MACF1: variants seen among roughly 807,000 people sequenced by gnomAD.
MACF1 encodes the protein microtubule actin crosslinking factor 1, also known as microtubule-actin cross-linking factor 1.
A neutral mutation model predicts 854.8 loss-of-function variants in MACF1; 193 were observed. The observed-to-expected ratio is 0.23, with a 90% CI of 0.20 to 0.25. MACF1 has a LOEUF of 0.25. Ranked by LOEUF, MACF1 falls within the 10% of genes least tolerant of loss-of-function variation. MACF1 has a pLI of 1.00. For synonymous variants in MACF1, 3,185 were observed against 3,226.7 expected, an observed-to-expected ratio of 0.99 and a Z score of 0.44; for missense variants, 7,722 against 8,929.1, an observed-to-expected ratio of 0.86 and a Z score of 5.45.
At chr1:39,314,569 T>TCTCACACACACACA (rs1379643806) in intron 26 of MACF1, among the ~76,000 whole-genome samples, 2 of 65,306 alleles carry the variant, frequency 3.1e-5, no homozygotes, top group African/African-American at 4.7e-5. Context: ...TCTCTCTCTC[T>TCTCACACACACACA]CACACACACA....
chr1:39,351,116 CA>C (rs1647169015), intron 43 of MACF1, 98 bp downstream of exon 43: 3 of 839,894 alleles, frequency 3.6e-6, no homozygotes, highest in Non-Finnish European at 5.5e-6. Flanking sequence ...TTATAGCATG[CA>C]CAGAATCATG....
rs1350554689 is a variant in MACF1 at position 39,335,672 on chromosome 1, A to G, written c.9084A>G (p.Glu3028=). The change falls in exon 37 of 101, where the codon GAA becomes GAG. Residue 3028 remains glutamate (E), a synonymous_variant. Transcript: ENST00000564288. ...REMTSSEKGK[E]ADTEMGFSIT... is the part of the protein sequence containing the mutation. ...TGACCTCAAGTGAAAAAGGGAAAGA[A>G]GCTGATACAGAAATGGGATTTTCTA... is the stretch of plus-strand genomic sequence containing the variant. 1.9e-6 allele frequency: 3 copies of G among 1,614,074 alleles called. No individual in the cohort carries two copies. Among genetic ancestry groups the G allele is most frequent in the South Asian group, 1.1e-5 (1 of 91,042 alleles).
chr1:39,419,011 T>G (rs1443930581), intron 58 of MACF1, among the ~76,000 whole-genome samples: 1 of 152,254 alleles, frequency 6.6e-6, no homozygotes, highest in Non-Finnish European at 1.5e-5. Flanking sequence ...TACTGCTTAG[T>G]TAATAACATG....
chr1:39,486,774 T>C lies in MACF1; in HGVS notation c.*980T>C, dbSNP rs898051492. The C allele has an allele frequency of 6.6e-6, 1 of 152,636 alleles. No homozygotes were observed. The highest frequency in any genetic ancestry group is 2.4e-5 in the African/African-American group (1 of 41,428). 9.5% of individuals were successfully genotyped at this position (152,636 alleles called of 1,614,324 possible). On this transcript the variant is annotated 3_prime_UTR_variant, in exon 101 of 101. Coordinates refer to ENST00000564288, the MANE Select transcript of MACF1 (RefSeq NM_001394062.1). ...TGTTAACCAGTCCTGTTTGCTTTCG[T>C]CTTTTTTTGTGCGTAATAAAGTCAA...
chr1:39,331,162 T>G, intron 36 of MACF1, 41 bp from the exon 37 acceptor site: 6 of 1,478,026 alleles, frequency 4.1e-6, no homozygotes, highest in Non-Finnish European at 5.3e-6. Flanking sequence ...TTTCTTTTTC[T>G]TCTCTTTTCC....
upstream of MACF1, among the ~76,000 whole-genome samples, chr1:39,201,846 T>A (rs930740888): frequency 1.3e-5 from 2 of 151,996 alleles, no homozygotes; most frequent in African/African-American, 4.8e-5. Flanking sequence ...CATTCTAGGT[T>A]CTTTGGTGTT....
In MACF1 at chr1:39,345,629, G is replaced by A. The variant is rs897799829; in HGVS notation, c.10582-1348G>A. ...TTGTCTCAAAAACAAAAATTTTAGC[G>A]AATCATAAACAAATTATATATTTTC... On this transcript the variant is annotated intron_variant, in intron 40 of 100. Coordinates refer to ENST00000564288, the MANE Select transcript of MACF1 (RefSeq NM_001394062.1). Among the ~76,000 whole-genome samples the A allele has an allele frequency of 6.6e-5, 10 of 152,062 alleles. No homozygotes were observed. The East Asian group carries it at 1.2e-3, about 18-fold the overall frequency.
chr1:39,241,888 A>C (rs1252085327), intron 2 of MACF1, among the ~76,000 whole-genome samples: 1 of 152,110 alleles, frequency 6.6e-6, no homozygotes, highest in Non-Finnish European at 1.5e-5. Flanking sequence ...TTCTCTAGGC[A>C]ATGGTTTTCT....
chr1:39,454,315 A>G (rs919922100), intron 88 of MACF1, among the ~76,000 whole-genome samples: 7 of 152,214 alleles, frequency 4.6e-5, no homozygotes, highest in Non-Finnish European at 1.0e-4. Context: ...CACAAAACCA[A>G]TTATAGGCCT....
intron 66 of MACF1, among the ~76,000 whole-genome samples, chr1:39,431,539 C>A (rs929149140): frequency 1.3e-5 from 2 of 152,154 alleles, no homozygotes; most frequent in Admixed American, 6.5e-5. Context: ...TGCTCTGAGT[C>A]CAGGTATATC....
At chr1:39,112,620 G>A (rs1642441146) in intron 2 of MACF1, among the ~76,000 whole-genome samples, 1 of 152,084 alleles carries the variant, frequency 6.6e-6, no homozygotes. Flanking sequence ...AGAGGAGGCT[G>A]CATTAAGCCA....
At chr1:39,406,551 G>A (rs1642707077) in intron 58 of MACF1, among the ~76,000 whole-genome samples, 1 of 152,070 alleles carries the variant, frequency 6.6e-6, no homozygotes, top group African/African-American at 2.4e-5. Flanking sequence ...TGGCCAACAA[G>A]GGGTGAAACC....
intron 61 of MACF1, among the ~76,000 whole-genome samples, chr1:39,424,406 C>T (rs1198044196): frequency 6.6e-6 from 1 of 152,112 alleles, no homozygotes; most frequent in African/African-American, 2.4e-5. Flanking sequence ...TTTCCGAGAG[C>T]TGGAAAACTC....
intron 58 of MACF1, chr1:39,412,787 C>T (rs758698472): frequency 6.2e-7 from 1 of 1,612,752 alleles, no homozygotes; most frequent in Non-Finnish European, 8.5e-7. Flanking sequence ...GCTGCAGTAC[C>T]CACTGTCAAA....
chr1:39,349,707 A>T, intron 42 of MACF1, 80 bp downstream of exon 42: 2 of 1,451,878 alleles, frequency 1.4e-6, no homozygotes, highest in Non-Finnish European at 1.9e-6. Flanking sequence ...ATCTTGGCTC[A>T]CTGCAGCTTC....
chr1:39,463,590 C>T (rs755031623), intron 93 of MACF1, 22 bp from the exon 94 acceptor site: 5 of 1,593,204 alleles, frequency 3.1e-6, no homozygotes, highest in Non-Finnish European at 4.3e-6. Flanking sequence ...TTTACACTTT[C>T]CTTTTTGTTC....
chr1:39,194,450 C>T (rs1196286175), intron 2 of MACF1, among the ~76,000 whole-genome samples: 1 of 147,288 alleles, frequency 6.8e-6, no homozygotes, highest in Non-Finnish European at 1.5e-5. Context: ...ACCTCCCGGG[C>T]TCAAGGGATT....
Position 39,231,248 on chromosome 1 carries a change from G to A in MACF1, c.171+5G>A. ...GTCAACAAGCACTTAATGAAGGTAG[G>A]ACCCTTTCATATATATGCTGCCCCA... On this transcript the variant is annotated splice_donor_5th_base_variant and intron_variant, in intron 2 of 100. Transcript: ENST00000564288. 2 of 1,613,708 alleles carry A rather than the reference G, an allele frequency of 1.2e-6. No individual in the cohort carries two copies. The highest frequency in any genetic ancestry group is 1.7e-6 in the Non-Finnish European group (2 of 1,179,636).
At chr1:39,234,080 A>G (rs1301156629) in intron 2 of MACF1, among the ~76,000 whole-genome samples, 1 of 147,142 alleles carries the variant, frequency 6.8e-6, no homozygotes, top group South Asian at 2.3e-4. Flanking sequence ...GACACAGCAC[A>G]TGTTTCAGAG....
Sources: gnomAD v4.1 joint callset for allele counts (sites outside exome capture counted in the v4.1 genomes callset) on GRCh38, gnomAD v4.1.1 for gene constraint, MANE v1.5 for transcripts, NCBI Gene and HGNC (gene_info 2026-07-23, HGNC 2026-07-21) for gene names.